The following PDILT variants were observed in gnomAD, a reference collection of about 807,000 sequenced individuals.
PDILT encodes the protein protein disulfide isomerase like, testis expressed, also known as protein disulfide-isomerase-like protein of the testis.
A neutral mutation model predicts 53.7 loss-of-function variants in PDILT; 43 were observed. That is an observed-to-expected ratio of 0.80 (90% confidence interval 0.63 to 1.03). The LOEUF is 1.03. PDILT is among the 50% of genes least tolerant of loss of function. The pLI is 0.00. For missense variants in PDILT, 727 were observed against 712.3 expected (o/e 1.02, Z -0.24); for synonymous variants, 282 against 274.2 (o/e 1.03, Z -0.28).
At position 20,365,481 on chromosome 16, in the gene PDILT, G is replaced by C. The variant is rs749813339; in HGVS notation, c.1176C>G (p.Leu392=). Residue 392 remains leucine, a synonymous_variant, in exon 9 of 12, where the codon CTC becomes CTG. Transcript: ENST00000302451. ...KYWDQGLVKQ[L]VGKNFNVVVF... ...CGACTACGTTGAAGTTCTTCCCCACGAGCTGCTTAACCAGTCCCTGGTCCC... is the reference window on the plus strand; with the variant it reads ...CGACTACGTTGAAGTTCTTCCCCACCAGCTGCTTAACCAGTCCCTGGTCCC... The C allele has an allele frequency of 1.2e-6, 2 of 1,613,766 alleles. No individual in the cohort carries two copies. The highest frequency in any genetic ancestry group is 1.7e-6 in the Non-Finnish European group (2 of 1,179,688).
At chr16:20,399,400 T>A in intron 1 of PDILT, 93 bp from the exon 2 acceptor site, 1 of 1,365,708 alleles carries the variant, frequency 7.3e-7, no homozygotes, top group Non-Finnish European at 1.0e-6. Context: ...CTGGTCCATG[T>A]AGGGTGAATG....
At chr16:20,386,118 A>T (rs1966533908) in intron 2 of PDILT, 1 of 152,156 alleles carries the variant, frequency 6.6e-6, no homozygotes, top group African/African-American at 2.4e-5. Context: ...CCATTAAGAG[A>T]TCTGATCTGG....
chr16:20,391,827 T>C (rs1162070576), intron 2 of PDILT, among the ~76,000 whole-genome samples: 1 of 149,476 alleles, frequency 6.7e-6, no homozygotes, highest in Non-Finnish European at 1.5e-5. Context: ...TAAGTGGGAG[T>C]GAAGGTGGGT....
At chr16:20,402,310 T>TTCTTA (rs1247166047) in intron 1 of PDILT, among the ~76,000 whole-genome samples, 4 of 151,804 alleles carry the variant, frequency 2.6e-5, no homozygotes, top group African/African-American at 9.7e-5. Context: ...TTCTTTTCTT[T>TTCTTA]TCTTTTGAGA....
At chr16:20,378,785 A>T (rs1456092088) in intron 3 of PDILT, among the ~76,000 whole-genome samples, 2 of 152,146 alleles carry the variant, frequency 1.3e-5, no homozygotes, top group Admixed American at 6.5e-5. Context: ...ACACGATCTC[A>T]TTCCTTTTTA....
chr16:20,361,247 G>A (rs139014470), intron 10 of PDILT, among the ~76,000 whole-genome samples: 451 of 142,058 alleles, frequency 3.2e-3, no homozygotes, highest in Middle Eastern at 0.013. Context: ...GTGCAGTGGC[G>A]TGATCTCAGC....
intron 9 of PDILT, among the ~76,000 whole-genome samples, chr16:20,363,469 ATGTGTATGTG>A (rs1447074899): frequency 0.017 from 2,265 of 129,630 alleles, 49 homozygotes; most frequent in African/African-American, 0.057. Flanking sequence ...GTTTTTGTGT[ATGTGTATGTG>A]TGTGTGTGTG....
chr16:20,371,665 T>C (rs1966307486), intron 7 of PDILT, among the ~76,000 whole-genome samples: 2 of 152,110 alleles, frequency 1.3e-5, no homozygotes, highest in African/African-American at 4.8e-5. Context: ...AACTTAGAAC[T>C]TCATCTTCTG....
chr16:20,387,318 G>A (rs1966552277), intron 2 of PDILT, among the ~76,000 whole-genome samples: 1 of 152,188 alleles, frequency 6.6e-6, no homozygotes, highest in Non-Finnish European at 1.5e-5. Flanking sequence ...GGCTAAAGAT[G>A]GCAATGTTTT....
intron 2 of PDILT, among the ~76,000 whole-genome samples, chr16:20,398,031 T>C (rs1194214619): frequency 6.6e-6 from 1 of 152,194 alleles, no homozygotes; most frequent in African/African-American, 2.4e-5. Flanking sequence ...TTGGGCAAAT[T>C]GCTGATCCTT....
intron 10 of PDILT, among the ~76,000 whole-genome samples, chr16:20,361,696 AC>A (rs2141697754): frequency 6.6e-6 from 1 of 152,114 alleles, no homozygotes; most frequent in East Asian, 1.9e-4. Context: ...CCTTCTGCCC[AC>A]CTCTTTGTTC....
chr16:20,394,527 G>A (rs1280281100), intron 2 of PDILT, among the ~76,000 whole-genome samples: 1 of 152,174 alleles, frequency 6.6e-6, no homozygotes, highest in African/African-American at 2.4e-5. Context: ...CAGGCCAATG[G>A]AATGTGGGTA....
At chr16:20,377,729 C>A (rs185600198) in intron 3 of PDILT, among the ~76,000 whole-genome samples, 1 of 152,016 alleles carries the variant, frequency 6.6e-6, no homozygotes, top group South Asian at 2.1e-4. Context: ...CCGAGGAGGG[C>A]GGATCACAAG....
chr16:20,373,249 C>T (rs1596584909), intron 5 of PDILT, 127 bp from the exon 6 acceptor site: 1 of 773,286 alleles, frequency 1.3e-6, no homozygotes, highest in East Asian at 2.6e-5. Flanking sequence ...CAGGTGTAGT[C>T]TGTAATCTAG....
Position 20,365,554 on chromosome 16 carries a change from T to G in PDILT, c.1117-14A>C, listed in dbSNP as rs781567128. The G allele has an allele frequency of 3.3e-5, 53 of 1,614,058 alleles. No homozygotes were observed. In the East Asian group the frequency reaches 1.2e-3, roughly 35 times the overall value. Reference sequence around the variant, plus strand: ...GGATTGATGTTTCTAGGAAGCACATTTGAGAGGCCTAAGAGTCTTCATAAA... The same window carrying G: ...GGATTGATGTTTCTAGGAAGCACATGTGAGAGGCCTAAGAGTCTTCATAAA... On this transcript the variant is annotated splice_polypyrimidine_tract_variant and intron_variant, in intron 8 of 11. Transcript: ENST00000302451.
chr16:20,382,395 C>G (rs925172649), intron 3 of PDILT, among the ~76,000 whole-genome samples: 1 of 152,230 alleles, frequency 6.6e-6, no homozygotes, highest in East Asian at 1.9e-4. Context: ...TATTGGAACA[C>G]AGTCATTCCC....
intron 3 of PDILT, 44 bp from the exon 4 acceptor site, chr16:20,376,245 T>C: frequency 1.2e-6 from 2 of 1,606,462 alleles, no homozygotes; most frequent in African/African-American, 1.3e-5. Flanking sequence ...AAGTTTCCTC[T>C]TGAACCAAAG....
intron 3 of PDILT, among the ~76,000 whole-genome samples, chr16:20,376,548 C>T: frequency 6.6e-6 from 1 of 152,318 alleles, no homozygotes; most frequent in East Asian, 1.9e-4. Flanking sequence ...ACTAGAGAAC[C>T]TGAAGATCAA....
At position 20,365,532 on chromosome 16, in the gene PDILT, T is replaced by C. The variant is rs922915925; in HGVS notation, c.1125A>G (p.Gln375=). The change falls in exon 9 of 12, where the codon CAA becomes CAG. Residue 375 remains glutamine, a synonymous_variant. Transcript: ENST00000302451. The part of the protein sequence containing the change: ...SFLSKNATKH[Q]SSEEIPKYWD... ...AGTATTTTGGAATCTCTTCACTGGA[T>C]TGATGTTTCTAGGAAGCACATTTGA... is the stretch of plus-strand genomic sequence containing the variant. The C allele has an allele frequency of 8.7e-6, 14 of 1,614,052 alleles. No individual in the cohort carries two copies. The highest frequency in any genetic ancestry group is 1.3e-5 in the African/African-American group (1 of 74,942).
Sources: gnomAD v4.1 joint callset for allele counts (sites outside exome capture counted in the v4.1 genomes callset) on GRCh38, gnomAD v4.1.1 for gene constraint, MANE v1.5 for transcripts, NCBI Gene and HGNC (gene_info 2026-07-23, HGNC 2026-07-21) for gene names.